USH2A: variants seen among roughly 807,000 people sequenced by gnomAD.
USH2A encodes usherin, also known as Usher syndrome 2A (autosomal recessive, mild).
USH2A carries 443 observed loss-of-function variants against 538.9 expected under a neutral mutation model. The observed-to-expected ratio is 0.82, with a 90% CI of 0.76 to 0.89. The LOEUF (loss-of-function observed/expected upper bound fraction) is 0.89. USH2A is among the 40% of genes least tolerant of loss of function. USH2A has a pLI of 0.00. For synonymous variants in USH2A, 2,413 were observed against 2,273.5 expected, an observed-to-expected ratio of 1.06 and a Z score of -1.75; for missense variants, 6,633 against 6,324.8, an observed-to-expected ratio of 1.05 and a Z score of -1.65.
In USH2A at chr1:216,097,127, G is replaced by C. The variant is rs111033333; in HGVS notation, c.4714C>G (p.Leu1572Val). The C allele has an allele frequency of 1.9e-6, 3 of 1,614,110 alleles. No homozygotes were observed. The South Asian group carries it at 3.3e-5, about 18-fold the overall frequency. ...SPGNQEEYFA[L>V]QLKKGRLYFL... ...TAAAGACGTCCCTTCTTCAACTGAAGTGCAAAATACTCTTCCTGATTGCCA... is the reference window on the plus strand; with the variant it reads ...TAAAGACGTCCCTTCTTCAACTGAACTGCAAAATACTCTTCCTGATTGCCA... The change falls in exon 22 of 72, where the codon CTT (leucine) becomes GTT (valine). Residue 1572 changes from leucine to valine, a missense_variant. Leu to Val is a conservative substitution (Grantham distance 32, BLOSUM62 1). Transcript: ENST00000307340.
intron 43 of USH2A, among the ~76,000 whole-genome samples, chr1:215,874,932 A>C (rs1571769865): frequency 2.0e-5 from 3 of 152,336 alleles, no homozygotes; most frequent in Admixed American, 2.0e-4. Context: ...AATATAGGCA[A>C]AGGAAGGGCC....
At chr1:216,218,378 G>A (rs1025618924) in intron 14 of USH2A, among the ~76,000 whole-genome samples, 3 of 152,068 alleles carry the variant, frequency 2.0e-5, no homozygotes, top group Non-Finnish European at 4.4e-5. Flanking sequence ...GATAAGCAAC[G>A]TTGGTGCCAT....
At chr1:216,386,442 T>TGC (rs1558065489) in intron 3 of USH2A, among the ~76,000 whole-genome samples, 1 of 145,484 alleles carries the variant, frequency 6.9e-6, no homozygotes, top group Non-Finnish European at 1.5e-5. Flanking sequence ...GCCGAGATCC[T>TGC]GCCACTGCAC....
intron 32 of USH2A, among the ~76,000 whole-genome samples, chr1:216,020,371 G>A (rs575165457): frequency 2.0e-5 from 3 of 152,252 alleles, no homozygotes; most frequent in South Asian, 2.1e-4. Flanking sequence ...GGCCACATCC[G>A]ATCAGTTGAA....
intron 30 of USH2A, among the ~76,000 whole-genome samples, chr1:216,063,292 A>C (rs1418240159): frequency 6.6e-6 from 1 of 152,064 alleles, no homozygotes; most frequent in Non-Finnish European, 1.5e-5. Flanking sequence ...AGCTCCTTCC[A>C]TCTCACTTCC....
chr1:216,134,153 C>T (rs2033433629), intron 21 of USH2A, among the ~76,000 whole-genome samples: 1 of 152,052 alleles, frequency 6.6e-6, no homozygotes, highest in South Asian at 2.1e-4. Flanking sequence ...TCTCAAATTG[C>T]AATACCTAAA....
rs56872387 is a variant in USH2A, at chr1:215,976,984, G to GTTTT, written c.6806-6212_6806-6209dup. Among the ~76,000 whole-genome samples, 1,306 of 144,432 alleles carry GTTTT rather than the reference G, an allele frequency of 9.0e-3. 16 individuals carry two copies. The highest frequency in any genetic ancestry group is 0.029 in the African/African-American group (1,155 of 39,308). 94.8% of individuals were successfully genotyped at this position (144,432 alleles called of 152,430 possible). Reference sequence around the variant, plus strand: ...TTTGGGTGTGAATCCACCTGGTCCAGTTTTTTTTTTTTTCTTTTTTTTCGG... The same window carrying GTTTT: ...TTTGGGTGTGAATCCACCTGGTCCAGTTTTTTTTTTTTTTTTTCTTTTTTTTCGG... On this transcript the variant is annotated intron_variant, in intron 35 of 71. Coordinates refer to ENST00000307340, the MANE Select transcript of USH2A (RefSeq NM_206933.4).
chr1:215,776,238 T>A (rs6540910), intron 55 of USH2A, among the ~76,000 whole-genome samples: 18,259 of 152,218 alleles, frequency 0.12, 1,210 homozygotes, highest in Non-Finnish European at 0.13. Context: ...TTAGCGAATA[T>A]GAGAAGATGA....
intron 61 of USH2A, among the ~76,000 whole-genome samples, chr1:215,697,690 T>C (rs1658865098): frequency 6.6e-6 from 1 of 151,992 alleles, no homozygotes; most frequent in African/African-American, 2.4e-5. Flanking sequence ...CCCAGCTAAT[T>C]TTGTATTTTT....
chr1:216,371,949 A>G (rs528871947), intron 3 of USH2A, among the ~76,000 whole-genome samples: 126 of 152,364 alleles, frequency 8.3e-4, no homozygotes, highest in African/African-American at 2.9e-3. Flanking sequence ...ATGAATTTTT[A>G]TATAATTATA....
chr1:216,071,702 C>T (rs904480640), intron 29 of USH2A, among the ~76,000 whole-genome samples: 13 of 152,050 alleles, frequency 8.5e-5, no homozygotes, highest in African/African-American at 4.8e-5. Flanking sequence ...TTTCCAGACG[C>T]CTATTAATGT....
intron 71 of USH2A, among the ~76,000 whole-genome samples, chr1:215,628,084 G>A (rs1324583891): frequency 6.6e-6 from 1 of 152,048 alleles, no homozygotes; most frequent in Non-Finnish European, 1.5e-5. Flanking sequence ...ATTTCCTAAG[G>A]TTTTGGAAAG....
rs150759077 is a variant in USH2A at position 216,070,712 on chromosome 1, CA to C, written c.5858-421del. On this transcript the variant is annotated intron_variant, in intron 29 of 71. Coordinates refer to ENST00000307340, the MANE Select transcript of USH2A (RefSeq NM_206933.4). ...ACTTTTATATCTTCGATGTATTAGC[CA>C]AAAAAAAAATCACAAATGTGATTGT... Among the ~76,000 whole-genome samples, 23 of 148,006 alleles carry C rather than the reference CA, an allele frequency of 1.6e-4. 1 individual carries two copies. Among genetic ancestry groups the C allele is most frequent in the Non-Finnish European group, 2.2e-4 (15 of 66,752 alleles).
chr1:216,157,061 A>G (rs999200112), intron 21 of USH2A, among the ~76,000 whole-genome samples: 14 of 152,050 alleles, frequency 9.2e-5, no homozygotes, highest in Admixed American at 2.6e-4. Context: ...TTTAGTAGAG[A>G]CAGGGTTTCA....
intron 37 of USH2A, among the ~76,000 whole-genome samples, chr1:215,963,582 G>T (rs1462165084): frequency 6.6e-6 from 1 of 152,104 alleles, no homozygotes. Context: ...ACTAAAATAT[G>T]CAGGCACTCT....
intron 11 of USH2A, among the ~76,000 whole-genome samples, chr1:216,272,360 T>G (rs2036589899): frequency 6.6e-6 from 1 of 152,136 alleles, no homozygotes; most frequent in Admixed American, 6.6e-5. Flanking sequence ...TAATTTGTGT[T>G]TTTGATGTTG....
At chr1:215,686,990 C>G (rs1483030093) in intron 61 of USH2A, among the ~76,000 whole-genome samples, 5 of 151,918 alleles carry the variant, frequency 3.3e-5, no homozygotes, top group African/African-American at 1.2e-4. Flanking sequence ...CTATCAGAAC[C>G]ATGCCTTCCT....
At chr1:215,664,109 C>A (rs1298339142) in intron 64 of USH2A, among the ~76,000 whole-genome samples, 1 of 152,158 alleles carries the variant, frequency 6.6e-6, no homozygotes, top group African/African-American at 2.4e-5. Context: ...GATGCGAGAG[C>A]AGAAACAATT....
At chr1:216,296,417 T>G (rs1571673635) in intron 9 of USH2A, among the ~76,000 whole-genome samples, 1 of 152,196 alleles carries the variant, frequency 6.6e-6, no homozygotes, top group African/African-American at 2.4e-5. Flanking sequence ...CTTGCTCCTG[T>G]CACTCTACTG....
Sources: gnomAD v4.1 joint callset for allele counts (sites outside exome capture counted in the v4.1 genomes callset) on GRCh38, gnomAD v4.1.1 for gene constraint, MANE v1.5 for transcripts, NCBI Gene and HGNC (gene_info 2026-07-23, HGNC 2026-07-21) for gene names.